The following BIRC6 variants were observed in gnomAD, a reference collection of about 807,000 sequenced individuals.
BIRC6 encodes dual E2 ubiquitin-conjugating enzyme/E3 ubiquitin-protein ligase BIRC6.
A neutral mutation model predicts 503.3 loss-of-function variants in BIRC6; 98 were observed. The ratio of observed to expected loss-of-function variants is 0.19; its 90% confidence interval spans 0.17 to 0.23. BIRC6 has a LOEUF of 0.23. Ranked by LOEUF, BIRC6 falls within the 10% of genes least tolerant of loss-of-function variation. The pLI, the probability that BIRC6 is intolerant of heterozygous loss-of-function variation, is 1.00. For missense variants in BIRC6, 5,360 were observed against 5,806.0 expected (o/e 0.92, Z 2.50); for synonymous variants, 2,240 against 2,078.7 (o/e 1.08, Z -2.11).
intron 65 of BIRC6, among the ~76,000 whole-genome samples, chr2:32,562,429 G>T (rs1003279285): frequency 1.3e-5 from 2 of 152,188 alleles, no homozygotes; most frequent in African/African-American, 4.8e-5. Context: ...TATAATTGAT[G>T]AACTAATAGT....
intron 36 of BIRC6, among the ~76,000 whole-genome samples, 185 bp from the exon 37 acceptor site, chr2:32,479,277 A>G (rs1478364941): frequency 6.6e-6 from 1 of 152,242 alleles, no homozygotes; most frequent in African/African-American, 2.4e-5. Context: ...TGTCTCTAGC[A>G]TTTGAAAGTA....
At chr2:32,555,838 C>G (rs1319775145) in intron 65 of BIRC6, among the ~76,000 whole-genome samples, 1 of 149,814 alleles carries the variant, frequency 6.7e-6, no homozygotes, top group Non-Finnish European at 1.5e-5. Context: ...GAAGTGGGAT[C>G]CCAGGAGGGC....
intron 65 of BIRC6, among the ~76,000 whole-genome samples, chr2:32,552,541 G>A (rs1415088218): frequency 6.6e-6 from 1 of 152,158 alleles, no homozygotes; most frequent in East Asian, 1.9e-4. Flanking sequence ...AGAATAGAGG[G>A]AGCATATAAG....
chr2:32,377,967 T>C (rs2037060661), intron 2 of BIRC6, among the ~76,000 whole-genome samples, 198 bp downstream of exon 2: 1 of 152,152 alleles, frequency 6.6e-6, no homozygotes, highest in Non-Finnish European at 1.5e-5. Flanking sequence ...TGAAGTGGTG[T>C]TTTTAGGTGT....
chr2:32,486,617 A>G (rs2051019957), intron 40 of BIRC6, among the ~76,000 whole-genome samples: 1 of 152,172 alleles, frequency 6.6e-6, no homozygotes, highest in Non-Finnish European at 1.5e-5. Flanking sequence ...AGGGGTAGAG[A>G]TAGTAGGTAG....
intron 3 of BIRC6, among the ~76,000 whole-genome samples, chr2:32,386,447 T>C (rs1321807768): frequency 6.6e-6 from 1 of 151,464 alleles, no homozygotes; most frequent in Non-Finnish European, 1.5e-5. Flanking sequence ...TCTCTCTCTT[T>C]TTTTTTTTTT....
At position 32,380,147 on chromosome 2, in the gene BIRC6, A is replaced by G; in HGVS notation, c.508-6A>G. On this transcript the variant is annotated splice_region_variant and splice_polypyrimidine_tract_variant and intron_variant, in intron 2 of 73. Transcript: ENST00000421745. The stretch of plus-strand genomic sequence containing the variant: ...GTGATTTTTTTATTTTTTATTTTTT[A>G]TTTAGGCACAGCAGCTCTTATCAGC... 6.8e-7 allele frequency: 1 copy of G among 1,480,260 alleles called. No homozygotes were observed. The highest frequency in any genetic ancestry group is 8.9e-7 in the Non-Finnish European group (1 of 1,117,900). 91.7% of individuals were successfully genotyped at this position (1,480,260 alleles called of 1,614,324 possible).
At chr2:32,381,448 C>G (rs1370176872) in intron 3 of BIRC6, among the ~76,000 whole-genome samples, 2 of 151,466 alleles carry the variant, frequency 1.3e-5, no homozygotes, top group Non-Finnish European at 2.9e-5. Context: ...CCATGTTGGT[C>G]AGGCAGGTGG....
intron 65 of BIRC6, among the ~76,000 whole-genome samples, chr2:32,551,788 TTTC>T (rs1230259976): frequency 8.5e-5 from 13 of 152,230 alleles, no homozygotes; most frequent in African/African-American, 2.9e-4. Flanking sequence ...GTCATGTCCT[TTTC>T]TTCTGTAATC....
In BIRC6 at chr2:32,404,299, T is replaced by G. The variant is rs560837769; in HGVS notation, c.1419-2200T>G. Among the ~76,000 whole-genome samples, 41 of 152,176 alleles carry G rather than the reference T, an allele frequency of 2.7e-4. No homozygotes were observed. The South Asian group carries it at 8.5e-3, about 32-fold the overall frequency. On this transcript the variant is annotated intron_variant, in intron 8 of 73. Transcript: ENST00000421745. ...CATACAATTCATGTAAGTGTACAAT[T>G]TAGTTATTTTATTCATATAATTTTT...
At chr2:32,510,712 C>T (rs773780329) in intron 53 of BIRC6, 78 bp downstream of exon 53, 2 of 995,126 alleles carry the variant, frequency 2.0e-6, no homozygotes, top group Non-Finnish European at 3.1e-6. Flanking sequence ...GACAGTTTTT[C>T]CTTAGATGAT....
intron 10 of BIRC6, among the ~76,000 whole-genome samples, chr2:32,421,624 C>T (rs1299962612): frequency 6.6e-6 from 1 of 152,162 alleles, no homozygotes; most frequent in Non-Finnish European, 1.5e-5. Flanking sequence ...TGTTTAGCCT[C>T]CAAATACTTG....
Position 32,479,455 on chromosome 2 carries a change from C to CA in BIRC6, c.7253-6dup. On this transcript the variant is annotated splice_region_variant and splice_polypyrimidine_tract_variant and intron_variant, in intron 36 of 73. Transcript: ENST00000421745. ...TTATTAAAACAGGACTATCCCCTTA[C>CA]ATACAGGAGAATTACTGGCTCCAGT... 6.3e-7 allele frequency: 1 copy of CA among 1,591,880 alleles called. No individual in the cohort carries two copies. The highest frequency in any genetic ancestry group is 8.6e-7 in the Non-Finnish European group (1 of 1,168,180).
Position 32,377,905 on chromosome 2 carries a change from A to G in BIRC6, c.507+136A>G. The stretch of plus-strand genomic sequence containing the variant: ...TAAAAACAATTTACTTATTGACCAC[A>G]ACTTCATTTAAATATTAATACTCAC... On this transcript the variant is annotated intron_variant, in intron 2 of 73. Coordinates refer to ENST00000421745, the MANE Select transcript of BIRC6 (RefSeq NM_016252.4). 5.5e-6 allele frequency: 4 copies of G among 722,204 alleles called. No individual in the cohort carries two copies. In the South Asian group the frequency reaches 9.6e-5, roughly 17 times the overall value. 44.7% of individuals were successfully genotyped at this position (722,204 alleles called of 1,614,324 possible).
At position 32,473,177 on chromosome 2, in the gene BIRC6, A is replaced by G. The variant is rs2049298281; in HGVS notation, c.6658A>G (p.Ser2220Gly). 5.1e-6 allele frequency: 8 copies of G among 1,570,386 alleles called. No individual in the cohort carries two copies. In the East Asian group the frequency reaches 1.8e-4, roughly 36 times the overall value. Residue 2220 changes from serine to glycine, a missense_variant, in exon 33 of 74, where the codon AGC becomes GGC. Physicochemically the swap from Ser to Gly is moderately conservative, Grantham distance 56. Transcript: ENST00000421745. Reference sequence around the variant, plus strand: ...GAGCTTAAATAGATCTTCTAAAGGCAGCAGTAGCCTTGATAGATTATATTC... The same window carrying G: ...GAGCTTAAATAGATCTTCTAAAGGCGGCAGTAGCCTTGATAGATTATATTC... ...TQSLNRSSKG[S>G]SSLDRLYSRK...
chr2:32,579,082 A>G (rs1267467356), intron 66 of BIRC6, among the ~76,000 whole-genome samples: 1 of 146,550 alleles, frequency 6.8e-6, no homozygotes, highest in Non-Finnish European at 1.5e-5. Context: ...TATATATTAG[A>G]TAAAGAAAAT....
chr2:32,439,761 G>A, intron 16 of BIRC6, 75 bp downstream of exon 16: 1 of 1,341,836 alleles, frequency 7.5e-7, no homozygotes, highest in Non-Finnish European at 1.0e-6. Flanking sequence ...ACTATTAGAA[G>A]TAGTATGACC....
chr2:32,365,586 T>C (rs1438478112), intron 1 of BIRC6, among the ~76,000 whole-genome samples: 1 of 152,192 alleles, frequency 6.6e-6, no homozygotes, highest in Non-Finnish European at 1.5e-5. Context: ...CCCAAAGTGC[T>C]GGGATTACAA....
intron 1 of BIRC6, among the ~76,000 whole-genome samples, chr2:32,375,308 G>GCATA (rs1414438779): frequency 2.7e-5 from 4 of 149,788 alleles, no homozygotes; most frequent in Non-Finnish European, 6.0e-5. Flanking sequence ...AATGGTAAGA[G>GCATA]CATACATCCT....
Sources: allele counts gnomAD v4.1 joint callset (sites outside exome capture counted in the v4.1 genomes callset), GRCh38; gene constraint gnomAD v4.1.1; transcripts MANE v1.5; gene names NCBI Gene and HGNC (gene_info 2026-07-23, HGNC 2026-07-21).